Variants in TRIM24 observed in about 807,000 individuals in gnomAD.
The protein encoded by TRIM24 is transcription intermediary factor 1-alpha.
TRIM24 carries 29 observed loss-of-function variants against 123.9 expected under a neutral mutation model. The observed-to-expected ratio is 0.23, with a 90% CI of 0.17 to 0.32. The LOEUF (loss-of-function observed/expected upper bound fraction) is 0.32. TRIM24 is among the 10% of genes least tolerant of loss of function. The pLI is 1.00. For synonymous variants in TRIM24, 456 were observed against 461.1 expected (o/e 0.99, Z 0.14); for missense variants, 932 against 1,295.3 (o/e 0.72, Z 4.31).
At chr7:138,533,825 G>T (rs1796804181) in intron 6 of TRIM24, among the ~76,000 whole-genome samples, 3 of 152,146 alleles carry the variant, frequency 2.0e-5, no homozygotes, top group Non-Finnish European at 4.4e-5. Flanking sequence ...GTAGAATTTG[G>T]CTGAGAATCC....
At chr7:138,492,169 G>T (rs1202263783) in intron 1 of TRIM24, among the ~76,000 whole-genome samples, 1 of 150,672 alleles carries the variant, frequency 6.6e-6, no homozygotes, top group Non-Finnish European at 1.5e-5. Context: ...CTACTCAGGA[G>T]GCTGAGGCAA....
rs532106746 is a variant in TRIM24 at position 138,460,740 on chromosome 7, G to A, written c.192G>A (p.Gln64=). 2 of 1,576,932 alleles carry A rather than the reference G, an allele frequency of 1.3e-6. No homozygotes were observed. Among genetic ancestry groups the A allele is most frequent in the South Asian group, 1.1e-5 (1 of 87,540 alleles). ...DTCAVCHQNI[Q]SRAPKLLPCL... is the part of the protein sequence containing the mutation. ...GCGCCGTGTGCCACCAGAACATCCA[G>A]AGCCGGGCGCCCAAGCTGCTGCCCT... Residue 64 remains glutamine (Q), a synonymous_variant, in exon 1 of 19, where the codon CAG becomes CAA. Coordinates refer to ENST00000343526, the MANE Select transcript of TRIM24 (RefSeq NM_015905.3).
chr7:138,483,269 T>A (rs1045182656), intron 1 of TRIM24, among the ~76,000 whole-genome samples: 2 of 152,232 alleles, frequency 1.3e-5, no homozygotes, highest in African/African-American at 4.8e-5. Flanking sequence ...TCAATAACTT[T>A]GTTAAATCTT....
chr7:138,537,394 T>G (rs1270615721), intron 6 of TRIM24, among the ~76,000 whole-genome samples: 6 of 135,836 alleles, frequency 4.4e-5, no homozygotes, highest in South Asian at 2.5e-4. Flanking sequence ...TTTTTTTTTT[T>G]TTTTTTTTTT....
chr7:138,562,439 TGTG>T (rs1229336905), intron 9 of TRIM24, among the ~76,000 whole-genome samples: 1 of 152,188 alleles, frequency 6.6e-6, no homozygotes, highest in Non-Finnish European at 1.5e-5. Flanking sequence ...TTTACTGTAG[TGTG>T]GTTCACAGCA....
chr7:138,506,259 C>A (rs1796149095), intron 2 of TRIM24, among the ~76,000 whole-genome samples: 1 of 152,174 alleles, frequency 6.6e-6, no homozygotes, highest in Admixed American at 6.5e-5. Flanking sequence ...GATAAACTTT[C>A]TAATTGTTTA....
At chr7:138,539,805 T>C (rs1282501059) in intron 7 of TRIM24, among the ~76,000 whole-genome samples, 4 of 149,918 alleles carry the variant, frequency 2.7e-5, no homozygotes. Context: ...AGTAATCTTT[T>C]TTTTTTTTTT....
chr7:138,548,232 G>A (rs1287626576), intron 7 of TRIM24, among the ~76,000 whole-genome samples: 1 of 152,118 alleles, frequency 6.6e-6, no homozygotes, highest in Non-Finnish European at 1.5e-5. Flanking sequence ...GATCTGTACA[G>A]CATATCACTG....
chr7:138,501,251 T>G (rs146864989), intron 1 of TRIM24, among the ~76,000 whole-genome samples: 3,111 of 152,174 alleles, frequency 0.02, 107 homozygotes, highest in African/African-American at 0.071. Context: ...TTATTTTTTT[T>G]GAGATGGAGT....
intron 17 of TRIM24, 73 bp from the exon 18 acceptor site, chr7:138,583,777 A>T (rs1321943106): frequency 1.9e-6 from 2 of 1,062,276 alleles, no homozygotes; most frequent in Non-Finnish European, 1.3e-6. Context: ...ATTTTAGAGC[A>T]CATCTCATAG....
chr7:138,562,004 C>T (rs1303213361), intron 9 of TRIM24, among the ~76,000 whole-genome samples: 2 of 152,184 alleles, frequency 1.3e-5, no homozygotes, highest in Non-Finnish European at 2.9e-5. Flanking sequence ...CTTTCGCTCA[C>T]TGCCAAGCCA....
chr7:138,525,151 A>T (rs2116576384), intron 4 of TRIM24, 90 bp from the exon 5 acceptor site: 1 of 584,374 alleles, frequency 1.7e-6, no homozygotes, highest in East Asian at 3.5e-5. Flanking sequence ...ATTCTTTATA[A>T]TCCTATTTTA....
chr7:138,544,679 TC>T (rs1472693488), intron 7 of TRIM24, among the ~76,000 whole-genome samples: 1 of 152,216 alleles, frequency 6.6e-6, no homozygotes, highest in Admixed American at 6.5e-5. Context: ...ACACTTGTCT[TC>T]CTTGTCTTTT....
rs1340434981 is a variant in TRIM24 at position 138,577,487 on chromosome 7, C to A, written c.2155C>A (p.Pro719Thr). The change falls in exon 14 of 19, where the codon CCA (proline) becomes ACA (threonine). Residue 719 changes from proline to threonine, a missense_variant. Pro to Thr is a conservative substitution (Grantham distance 38). Coordinates refer to ENST00000343526, the MANE Select transcript of TRIM24 (RefSeq NM_015905.3). ...THKVPVVMLE[P>T]IRIKQENSGP... The stretch of plus-strand genomic sequence containing the variant: ...CAAAGTCCCAGTGGTCATGCTGGAG[C>A]CAATTCGAATAAAACAAGAAAACAG... The A allele has an allele frequency of 6.2e-7, 1 of 1,609,844 alleles. No individual in the cohort carries two copies. Among genetic ancestry groups the A allele is most frequent in the Non-Finnish European group, 8.5e-7 (1 of 1,178,256 alleles).
At chr7:138,545,126 A>T (rs1054740626) in intron 7 of TRIM24, among the ~76,000 whole-genome samples, 2 of 152,162 alleles carry the variant, frequency 1.3e-5, no homozygotes, top group African/African-American at 2.4e-5. Context: ...TATCCCCAAG[A>T]TATCTAATTA....
At chr7:138,465,324 T>C (rs2116443960) in intron 1 of TRIM24, among the ~76,000 whole-genome samples, 2 of 152,300 alleles carry the variant, frequency 1.3e-5, no homozygotes, top group East Asian at 3.9e-4. Flanking sequence ...GAGGCAAAAC[T>C]TTAGGAAATG....
intron 2 of TRIM24, among the ~76,000 whole-genome samples, chr7:138,504,682 A>C (rs1352625942): frequency 1.3e-5 from 2 of 151,360 alleles, no homozygotes; most frequent in Non-Finnish European, 2.9e-5. Context: ...GGATGGTCTC[A>C]ATCTCCTGAC....
At chr7:138,493,533 T>G (rs1276387975) in intron 1 of TRIM24, among the ~76,000 whole-genome samples, 1 of 152,182 alleles carries the variant, frequency 6.6e-6, no homozygotes, top group Non-Finnish European at 1.5e-5. Context: ...CTCTCATATT[T>G]TAAGATGTCT....
intron 6 of TRIM24, among the ~76,000 whole-genome samples, chr7:138,529,642 A>T (rs1285480520): frequency 6.6e-6 from 1 of 152,204 alleles, no homozygotes; most frequent in Non-Finnish European, 1.5e-5. Context: ...TAGGTAAAAG[A>T]ATATGGCTAG....
Sources: allele counts gnomAD v4.1 joint callset (sites outside exome capture counted in the v4.1 genomes callset), GRCh38; gene constraint gnomAD v4.1.1; transcripts MANE v1.5; gene names NCBI Gene and HGNC (gene_info 2026-07-23, HGNC 2026-07-21).